The following IL1RAPL2 variants were observed in gnomAD, a reference collection of about 807,000 sequenced individuals.
IL1RAPL2 encodes interleukin 1 receptor accessory protein like 2.
In IL1RAPL2, 3 loss-of-function variants were observed where a neutral mutation model predicts 44.1. The observed-to-expected ratio is 0.07, with a 90% CI of 0.03 to 0.18. The LOEUF (loss-of-function observed/expected upper bound fraction) is 0.18, where lower values mean the gene tolerates loss of function less well. IL1RAPL2 is among the 10% of genes least tolerant of loss of function. The probability of loss-of-function intolerance (pLI) is 1.00; values close to 1 mark genes in which losing one functional copy is unlikely to be tolerated. For missense variants in IL1RAPL2, 391 were observed against 496.4 expected, an observed-to-expected ratio of 0.79 and a Z score of 2.02; for synonymous variants, 181 against 178.8, an observed-to-expected ratio of 1.01 and a Z score of -0.10.
chrX:105,373,432 C>T (rs1275599683), intron 5 of IL1RAPL2, among the ~76,000 whole-genome samples: 2 of 111,356 alleles, frequency 1.8e-5, no homozygotes, highest in East Asian at 2.8e-4. Context: ...TTCTTTGATA[C>T]ACAGTTTGCA....
At chrX:105,601,912 C>T (rs953425808) in intron 6 of IL1RAPL2, among the ~76,000 whole-genome samples, 49 of 110,964 alleles carry the variant, frequency 4.4e-4, no homozygotes, top group African/African-American at 1.6e-3. Context: ...GCATCCTATA[C>T]CCCAAGTAGA....
chrX:104,634,630 G>A (rs1929748671), intron 1 of IL1RAPL2, among the ~76,000 whole-genome samples: 1 of 111,360 alleles, frequency 9.0e-6, no homozygotes, highest in Non-Finnish European at 1.9e-5. Flanking sequence ...ATCTTTGTTG[G>A]TTTAAAGTTT....
rs1157603029 is a variant in IL1RAPL2 at position 104,946,379 on chromosome X, C to CAAAAA, written c.83-249070_83-249066dup. Among the ~76,000 whole-genome samples, 33 of 9,140 alleles carry CAAAAA rather than the reference C, an allele frequency of 3.6e-3. 11 individuals carry two copies. The highest frequency in any genetic ancestry group is 0.01 in the Admixed American group (4 of 397). 7.9% of individuals were successfully genotyped at this position (9,140 alleles called of 115,157 possible). A position where few individuals can be genotyped will look rare whatever the true frequency, so the allele number is the denominator to read the frequency against. On this transcript the variant is annotated intron_variant, in intron 2 of 10. Coordinates refer to ENST00000372582, the MANE Select transcript of IL1RAPL2 (RefSeq NM_017416.2). ...TGGGCGACAGAGCAAGACTCCGTCT[C>CAAAAA]AAAAAAAAAAAAAAAAAAAAAAAAA...
intron 2 of IL1RAPL2, among the ~76,000 whole-genome samples, chrX:104,682,390 T>C (rs1930903179): frequency 8.9e-6 from 1 of 112,314 alleles, no homozygotes; most frequent in Non-Finnish European, 1.9e-5. Context: ...TAAAGGAAAA[T>C]ATTCATCCCA....
intron 2 of IL1RAPL2, among the ~76,000 whole-genome samples, chrX:104,698,196 A>G (rs1401879244): frequency 1.8e-5 from 2 of 112,501 alleles, no homozygotes; most frequent in African/African-American, 6.5e-5. Context: ...GAGAAAGAAA[A>G]TTCCAGCAAG....
chrX:105,030,380 T>A, intron 2 of IL1RAPL2, among the ~76,000 whole-genome samples: 1 of 112,007 alleles, frequency 8.9e-6, no homozygotes, highest in Admixed American at 9.5e-5. Flanking sequence ...TGGTTTTAGG[T>A]CTAACATGTA....
intron 6 of IL1RAPL2, among the ~76,000 whole-genome samples, chrX:105,574,200 T>A (rs2037034562): frequency 8.9e-6 from 1 of 112,052 alleles, no homozygotes; most frequent in African/African-American, 3.2e-5. Context: ...AAGCAGTGAC[T>A]GGGGAGGATG....
intron 5 of IL1RAPL2, among the ~76,000 whole-genome samples, chrX:105,304,262 G>A (rs185522619): frequency 6.6e-4 from 59 of 89,690 alleles, no homozygotes; most frequent in African/African-American, 5.7e-3. Flanking sequence ...GAGATGGGAG[G>A]GAACCTCCAA....
chrX:105,371,387 T>A (rs1432051409), intron 5 of IL1RAPL2, among the ~76,000 whole-genome samples: 1 of 111,632 alleles, frequency 9.0e-6, no homozygotes, highest in Non-Finnish European at 1.9e-5. Flanking sequence ...AAATCTTTAA[T>A]CCATCTCGAG....
At chrX:104,966,535 G>A (rs1006483282) in intron 2 of IL1RAPL2, among the ~76,000 whole-genome samples, 1 of 111,788 alleles carries the variant, frequency 8.9e-6, no homozygotes, top group African/African-American at 3.2e-5. Context: ...CAATTCACTA[G>A]GAAGTTCTAA....
At chrX:104,941,679 C>A (rs5916839) in intron 2 of IL1RAPL2, among the ~76,000 whole-genome samples, 1 of 110,320 alleles carries the variant, frequency 9.1e-6, no homozygotes, top group Non-Finnish European at 1.9e-5. Context: ...GGTTTCTTTT[C>A]CTGTGCAGAA....
At chrX:105,066,853 C>G (rs1348464054) in intron 2 of IL1RAPL2, among the ~76,000 whole-genome samples, 2 of 111,494 alleles carry the variant, frequency 1.8e-5, no homozygotes, top group Non-Finnish European at 3.8e-5. Context: ...CCAAAACTCT[C>G]CCTTCCCAGA....
At chrX:104,952,011 C>G (rs1822375294) in intron 2 of IL1RAPL2, among the ~76,000 whole-genome samples, 1 of 112,095 alleles carries the variant, frequency 8.9e-6, no homozygotes, top group South Asian at 3.7e-4. Context: ...AGCCACATTA[C>G]TGAGTTGTCT....
intron 6 of IL1RAPL2, among the ~76,000 whole-genome samples, chrX:105,608,256 A>G (rs2037310346): frequency 8.9e-6 from 1 of 112,036 alleles, no homozygotes; most frequent in Non-Finnish European, 1.9e-5. Context: ...AAGCCAAGGT[A>G]GTCTTTGTTA....
intron 1 of IL1RAPL2, among the ~76,000 whole-genome samples, chrX:104,623,459 T>C (rs1929437903): frequency 9.0e-6 from 1 of 111,190 alleles, no homozygotes; most frequent in African/African-American, 3.3e-5. Flanking sequence ...TTCAACACTG[T>C]GTTGAATGAC....
chrX:105,749,063 C>T lies in IL1RAPL2; in HGVS notation c.1152C>T (p.Leu384=), dbSNP rs1386437755. 4.1e-6 allele frequency: 5 copies of T among 1,208,901 alleles called. No homozygotes were observed. The highest frequency in any genetic ancestry group is 5.6e-6 in the Non-Finnish European group (5 of 893,560). ...AATGCTACAACATTGAATTGATGCT[C>T]TTCTACAGGCAGCACTTTGGAGCTG... The part of the protein sequence containing the change: ...IYKCYNIELM[L]FYRQHFGADE... Residue 384 remains leucine (L), a synonymous_variant, in exon 9 of 11, where the codon CTC becomes CTT. Transcript: ENST00000372582.
intron 2 of IL1RAPL2, among the ~76,000 whole-genome samples, chrX:104,827,453 C>T (rs1212289413): frequency 9.0e-6 from 1 of 111,146 alleles, no homozygotes; most frequent in Non-Finnish European, 1.9e-5. Flanking sequence ...AATATTGTCC[C>T]CCACTCTCTT....
At chrX:104,752,497 A>G (rs1932277316) in intron 2 of IL1RAPL2, among the ~76,000 whole-genome samples, 1 of 110,593 alleles carries the variant, frequency 9.0e-6, no homozygotes, top group South Asian at 3.9e-4. Flanking sequence ...GTTTCCTAGT[A>G]CAAGCTTTGC....
chrX:104,863,136 T>C (rs1322037972), intron 2 of IL1RAPL2, among the ~76,000 whole-genome samples: 2 of 111,634 alleles, frequency 1.8e-5, no homozygotes, highest in Non-Finnish European at 3.8e-5. Flanking sequence ...GAGGACCAAA[T>C]ACACTTATTA....
Sources: allele counts gnomAD v4.1 joint callset (sites outside exome capture counted in the v4.1 genomes callset), GRCh38; gene constraint gnomAD v4.1.1; transcripts MANE v1.5; gene names NCBI Gene and HGNC (gene_info 2026-07-23, HGNC 2026-07-21).